The following WWOX variants were observed in gnomAD, a reference collection of about 807,000 sequenced individuals.
WWOX encodes WW domain-containing oxidoreductase.
WWOX carries 69 observed loss-of-function variants against 46.2 expected under a neutral mutation model. The observed-to-expected ratio is 1.49, with a 90% CI of 1.23 to 1.82. The LOEUF (loss-of-function observed/expected upper bound fraction) is 1.82, where lower values mean the gene tolerates loss of function less well. Among genes scored for constraint, WWOX ranks in the 40% most tolerant of loss-of-function variants. The pLI is 0.00. For missense variants in WWOX, 919 were observed against 542.6 expected (o/e 1.69, Z -6.89); for synonymous variants, 359 against 202.6 (o/e 1.77, Z -6.56).
At chr16:78,107,987 G>T (rs556413827) in intron 1 of WWOX, among the ~76,000 whole-genome samples, 1 of 151,676 alleles carries the variant, frequency 6.6e-6, no homozygotes, top group Non-Finnish European at 1.5e-5. Flanking sequence ...GGAGTGCAGC[G>T]GCGTGATCTC....
At chr16:78,425,696 C>T (rs543392663) in intron 7 of WWOX, among the ~76,000 whole-genome samples, 90 of 152,216 alleles carry the variant, frequency 5.9e-4, no homozygotes, top group African/African-American at 2.1e-3. Context: ...GGAGAAACAA[C>T]TATTTGTCTA....
At chr16:78,359,336 A>C (rs1404994107) in intron 5 of WWOX, among the ~76,000 whole-genome samples, 1 of 152,202 alleles carries the variant, frequency 6.6e-6, no homozygotes, top group Non-Finnish European at 1.5e-5. Context: ...AAACCTCTAA[A>C]GCTCTCAGGC....
At chr16:78,445,706 T>G (rs1049572557) in intron 8 of WWOX, among the ~76,000 whole-genome samples, 1 of 152,134 alleles carries the variant, frequency 6.6e-6, no homozygotes, top group Non-Finnish European at 1.5e-5. Flanking sequence ...GTGAAACCCT[T>G]CTCTACTAAA....
intron 8 of WWOX, among the ~76,000 whole-genome samples, chr16:78,446,172 G>C (rs75645260): frequency 0.061 from 9,323 of 152,228 alleles, 332 homozygotes; most frequent in East Asian, 0.09. Flanking sequence ...TAAACTATCA[G>C]TTTAATGTAC....
chr16:78,390,831 C>T (rs1393206765), intron 6 of WWOX, among the ~76,000 whole-genome samples: 1 of 152,182 alleles, frequency 6.6e-6, no homozygotes, highest in Non-Finnish European at 1.5e-5. Context: ...CAGTTCAGAA[C>T]CAATCTCTTT....
intron 8 of WWOX, among the ~76,000 whole-genome samples, chr16:79,023,389 G>A (rs1420277441): frequency 6.6e-6 from 1 of 152,176 alleles, no homozygotes; most frequent in Non-Finnish European, 1.5e-5. Flanking sequence ...ATTCCCTTGA[G>A]TGATTTACTT....
chr16:79,128,921 C>G (rs1266540640), intron 8 of WWOX, among the ~76,000 whole-genome samples: 2 of 152,166 alleles, frequency 1.3e-5, no homozygotes, highest in Admixed American at 1.3e-4. Context: ...CACAAAGGTG[C>G]CATTGTTGCC....
chr16:79,027,953 G>GTTGT (rs369495611), intron 8 of WWOX, among the ~76,000 whole-genome samples: 1 of 151,524 alleles, frequency 6.6e-6, no homozygotes, highest in Non-Finnish European at 1.5e-5. Flanking sequence ...CTTTTTTGTT[G>GTTGT]TTGTTTGTTT....
At chr16:78,965,441 G>T (rs1047649339) in intron 8 of WWOX, among the ~76,000 whole-genome samples, 3 of 151,960 alleles carry the variant, frequency 2.0e-5, no homozygotes, top group Admixed American at 6.6e-5. Flanking sequence ...ATGGTGGCAG[G>T]CACTTGTAAT....
At chr16:78,254,055 T>C (rs1459651354) in intron 5 of WWOX, among the ~76,000 whole-genome samples, 3 of 152,126 alleles carry the variant, frequency 2.0e-5, no homozygotes, top group Non-Finnish European at 4.4e-5. Context: ...TCTTTTTTAA[T>C]GTCTTTCGTG....
At chr16:79,010,999 G>T (rs1305581164) in intron 8 of WWOX, among the ~76,000 whole-genome samples, 1 of 152,050 alleles carries the variant, frequency 6.6e-6, no homozygotes, top group Non-Finnish European at 1.5e-5. Flanking sequence ...GGAGTAGCAC[G>T]ATCTGGCTTA....
chr16:78,726,840 C>A (rs552082140), intron 8 of WWOX, among the ~76,000 whole-genome samples: 55 of 152,032 alleles, frequency 3.6e-4, no homozygotes, highest in African/African-American at 1.3e-3. Context: ...CTTTCAGTTT[C>A]TTCATCTGTA....
intron 6 of WWOX, among the ~76,000 whole-genome samples, chr16:78,415,781 A>G (rs77139686): frequency 0.033 from 5,016 of 152,226 alleles, 275 homozygotes; most frequent in African/African-American, 0.11. Flanking sequence ...GTCATAAGGA[A>G]TCTTGGCCCA....
At chr16:79,193,207 C>T (rs1218093483) in intron 8 of WWOX, among the ~76,000 whole-genome samples, 1 of 152,216 alleles carries the variant, frequency 6.6e-6, no homozygotes, top group Non-Finnish European at 1.5e-5. Context: ...GACCAAAGTT[C>T]ATCTCCAAAT....
At chr16:78,513,633 C>G (rs1325921536) in intron 8 of WWOX, among the ~76,000 whole-genome samples, 1 of 152,058 alleles carries the variant, frequency 6.6e-6, no homozygotes, top group African/African-American at 2.4e-5. Flanking sequence ...CCTGTGAGTC[C>G]CACTGATACT....
At chr16:78,183,209 A>G (rs1048866039) in intron 5 of WWOX, among the ~76,000 whole-genome samples, 3 of 152,124 alleles carry the variant, frequency 2.0e-5, no homozygotes, top group African/African-American at 4.8e-5. Flanking sequence ...AGACACGTAA[A>G]TTAATAGTAA....
intron 8 of WWOX, among the ~76,000 whole-genome samples, chr16:79,010,369 A>G (rs549126302): frequency 1.6e-4 from 25 of 152,204 alleles, no homozygotes; most frequent in African/African-American, 5.8e-4. Flanking sequence ...TGGCAGCTTC[A>G]GAGACAGATC....
intron 5 of WWOX, chr16:78,179,870 T>C (rs2035473667): frequency 6.6e-6 from 1 of 152,134 alleles, no homozygotes; most frequent in Non-Finnish European, 1.5e-5. Flanking sequence ...CCTGGTCAAT[T>C]GGAGGGATTT....
chr16:78,179,380 G>A (rs1337449960), intron 5 of WWOX, among the ~76,000 whole-genome samples: 1 of 152,108 alleles, frequency 6.6e-6, no homozygotes, highest in Non-Finnish European at 1.5e-5. Flanking sequence ...TTCTCAGATT[G>A]GAAAGGACTT....
Sources: gnomAD v4.1 joint callset for allele counts (sites outside exome capture counted in the v4.1 genomes callset) on GRCh38, gnomAD v4.1.1 for gene constraint, MANE v1.5 for transcripts, NCBI Gene and HGNC (gene_info 2026-07-23, HGNC 2026-07-21) for gene names.